LPP: variants seen among roughly 807,000 people sequenced by gnomAD.
LPP encodes the protein LIM domain containing preferred translocation partner in lipoma.
In LPP, 38 loss-of-function variants were observed where a neutral mutation model predicts 60.4. That is an observed-to-expected ratio of 0.63 (90% CI 0.49 to 0.83). The LOEUF (loss-of-function observed/expected upper bound fraction) is 0.83. LPP is among the 40% of genes least tolerant of loss of function. LPP has a pLI of 0.00. For synonymous variants in LPP, 328 were observed against 290.8 expected (o/e 1.13, Z -1.30); for missense variants, 902 against 783.6 (o/e 1.15, Z -1.80).
chr3:188,735,399 G>T (rs1040589220), intron 8 of LPP, among the ~76,000 whole-genome samples: 7 of 146,392 alleles, frequency 4.8e-5, no homozygotes, highest in African/African-American at 1.7e-4. Flanking sequence ...ATTATTTTTT[G>T]AGACGAAGTC....
chr3:188,615,033 T>A (rs921768909), intron 7 of LPP, among the ~76,000 whole-genome samples: 13 of 152,208 alleles, frequency 8.5e-5, no homozygotes, highest in African/African-American at 2.9e-4. Context: ...TGAAATGGCC[T>A]CTTACTTAGG....
chr3:188,252,616 A>G (rs1202952161), intron 2 of LPP, among the ~76,000 whole-genome samples: 3 of 151,994 alleles, frequency 2.0e-5, no homozygotes, highest in Non-Finnish European at 4.4e-5. Context: ...ATTGTTGCCA[A>G]TTTGATGGAT....
chr3:188,391,298 C>T (rs1779643123), intron 3 of LPP, among the ~76,000 whole-genome samples: 1 of 152,172 alleles, frequency 6.6e-6, no homozygotes, highest in Non-Finnish European at 1.5e-5. Context: ...GCCTCTTCCC[C>T]CTGGACTGGG....
rs1560343010 is a variant in LPP, at chr3:188,881,138, T to TTAAAAAAAAAAAAAAAAA, written c.*6659_*6660insTAAAAAAAAAAAAAAAAA. ...CTGGGCGAAAGAGCGAGACTCCGTC[T>TTAAAAAAAAAAAAAAAAA]CAAAAAAAAAAAAAAAAAAATAGGA... On this transcript the variant is annotated 3_prime_UTR_variant, in exon 12 of 12. Transcript: ENST00000617246. The TTAAAAAAAAAAAAAAAAA allele has an allele frequency of 8.4e-5, 1 of 11,848 alleles. No homozygotes were observed. The highest frequency in any genetic ancestry group is 2.8e-4 in the African/African-American group (1 of 3,600). 0.7% of individuals were successfully genotyped at this position (11,848 alleles called of 1,614,324 possible). A position where few individuals can be genotyped will look rare whatever the true frequency, so the allele number is the denominator to read the frequency against.
chr3:188,240,676 G>C (rs531753609), intron 2 of LPP, among the ~76,000 whole-genome samples: 2 of 151,594 alleles, frequency 1.3e-5, no homozygotes, highest in East Asian at 1.9e-4. Flanking sequence ...ATGTCAACTA[G>C]TAAGGCTGCT....
intron 2 of LPP, among the ~76,000 whole-genome samples, chr3:188,231,581 C>T (rs1384057111): frequency 3.3e-5 from 5 of 151,986 alleles, no homozygotes; most frequent in Non-Finnish European, 7.4e-5. Context: ...CTTGCTTGAG[C>T]CCCTTGCTGT....
At chr3:188,668,233 T>A (rs1856220026) in intron 7 of LPP, among the ~76,000 whole-genome samples, 1 of 152,208 alleles carries the variant, frequency 6.6e-6, no homozygotes, top group African/African-American at 2.4e-5. Flanking sequence ...TCATTTATTC[T>A]TAAAGATGAT....
intron 2 of LPP, among the ~76,000 whole-genome samples, chr3:188,273,549 T>C (rs1738541385): frequency 1.3e-5 from 2 of 150,486 alleles, no homozygotes; most frequent in Non-Finnish European, 1.5e-5. Flanking sequence ...TTTGTACTTT[T>C]GCCAGGTGAT....
At chr3:188,627,857 A>AATTG (rs1847141368) in intron 7 of LPP, among the ~76,000 whole-genome samples, 1 of 152,104 alleles carries the variant, frequency 6.6e-6, no homozygotes, top group Non-Finnish European at 1.5e-5. Context: ...TTGACTACAC[A>AATTG]CCCATTCATA....
chr3:188,715,860 A>G (rs1489055777), intron 8 of LPP, among the ~76,000 whole-genome samples: 7 of 152,240 alleles, frequency 4.6e-5, no homozygotes, highest in Admixed American at 3.9e-4. Context: ...GGCTGAAGGC[A>G]ACACTGTTGG....
At chr3:188,730,143 T>C (rs1719912291) in intron 8 of LPP, among the ~76,000 whole-genome samples, 1 of 152,252 alleles carries the variant, frequency 6.6e-6, no homozygotes, top group African/African-American at 2.4e-5. Context: ...ATTGTGCGTA[T>C]GTGCATATGT....
chr3:188,462,577 T>TGC (rs1799304817), intron 4 of LPP, among the ~76,000 whole-genome samples: 7 of 65,590 alleles, frequency 1.1e-4, no homozygotes, highest in South Asian at 7.3e-4. Context: ...TATATATATA[T>TGC]ATATATATGC....
chr3:188,230,666 G>A (rs933216846), intron 2 of LPP, among the ~76,000 whole-genome samples: 1 of 151,794 alleles, frequency 6.6e-6, no homozygotes, highest in Non-Finnish European at 1.5e-5. Flanking sequence ...CCAGCTACTC[G>A]GGAGGCTGAG....
In LPP at chr3:188,890,550, AC is replaced by A. The variant is rs1185962274; in HGVS notation, c.*16073del. Reference sequence around the variant, plus strand: ...TATTTACCTTCTATCAGTTTTCTCTACCAATTATGTTTTTTCAATGCTCTAT... The same window carrying A: ...TATTTACCTTCTATCAGTTTTCTCTACAATTATGTTTTTTCAATGCTCTAT... On this transcript the variant is annotated 3_prime_UTR_variant, in exon 12 of 12. Transcript: ENST00000617246. 2 of 181,630 alleles carry A rather than the reference AC, an allele frequency of 1.1e-5. No homozygotes were observed. Among genetic ancestry groups the A allele is most frequent in the African/African-American group, 4.7e-5 (2 of 42,548 alleles). The allele number at this position is 181,630 out of a possible 1,614,324, so 11.3% of individuals were successfully genotyped here.
upstream of LPP, chr3:188,153,195 A>G (rs544779204): frequency 1.3e-5 from 2 of 152,448 alleles, no homozygotes; most frequent in East Asian, 3.9e-4. Context: ...AAAGGGAGCC[A>G]GGGCCCTTCC....
intron 7 of LPP, among the ~76,000 whole-genome samples, chr3:188,704,263 A>C (rs931643511): frequency 2.0e-5 from 3 of 152,114 alleles, no homozygotes; most frequent in Non-Finnish European, 4.4e-5. Context: ...CCACTCCCTC[A>C]GAGGCAGTTT....
intron 3 of LPP, among the ~76,000 whole-genome samples, chr3:188,368,841 C>T (rs1176065477): frequency 6.6e-6 from 1 of 152,078 alleles, no homozygotes; most frequent in Non-Finnish European, 1.5e-5. Flanking sequence ...AGAACTTCAT[C>T]TACCTCGGGT....
intron 7 of LPP, among the ~76,000 whole-genome samples, chr3:188,611,210 A>G (rs1246575425): frequency 6.6e-6 from 1 of 152,224 alleles, no homozygotes; most frequent in Non-Finnish European, 1.5e-5. Context: ...TGACCACTAT[A>G]TGAAATTGGC....
At chr3:188,358,158 A>C (rs572573303) in intron 3 of LPP, among the ~76,000 whole-genome samples, 10 of 152,208 alleles carry the variant, frequency 6.6e-5, no homozygotes, top group Non-Finnish European at 1.3e-4. Context: ...AGGTACTGTT[A>C]TTATCACCAT....
Sources: allele counts gnomAD v4.1 joint callset (sites outside exome capture counted in the v4.1 genomes callset), GRCh38; gene constraint gnomAD v4.1.1; transcripts MANE v1.5; gene names NCBI Gene and HGNC (gene_info 2026-07-23, HGNC 2026-07-21).